The following SLC67A1 variants were observed in gnomAD, a reference collection of about 807,000 sequenced individuals.
SLC67A1 encodes the protein solute carrier family 67 member A1.
chr11:2,908,409 A>G, the SLC67A1 span: 6 of 1,098,476 alleles, frequency 5.5e-6, no homozygotes, highest in Non-Finnish European at 7.9e-6. Flanking sequence ...CAGACGGGCC[A>G]GGTTCCCTGA....
At chr11:2,918,122 CGGCCAG>C in the SLC67A1 span, 1 of 1,573,164 alleles carries the variant, frequency 6.4e-7, no homozygotes, top group Non-Finnish European at 8.7e-7. Flanking sequence ...GCCCCAACAG[CGGCCAG>C]AGCCTGGCAG....
the SLC67A1 span, chr11:2,916,402 A>C: frequency 2.1e-6 from 1 of 465,158 alleles, no homozygotes; most frequent in Non-Finnish European, 3.8e-6. Context: ...TGGCGTGGCG[A>C]GGGTCAGGGA....
chr11:2,917,764 G>T, the SLC67A1 span, among the ~76,000 whole-genome samples: 1 of 152,224 alleles, frequency 6.6e-6, no homozygotes, highest in Non-Finnish European at 1.5e-5. Flanking sequence ...GGATTCAGGG[G>T]GCCCCTAGGA....
the SLC67A1 span, chr11:2,918,993 A>C: frequency 2.9e-6 from 1 of 343,666 alleles, no homozygotes. Flanking sequence ...GAGGGCTCTT[A>C]TAACAGAGAG....
At chr11:2,914,303 G>A in the SLC67A1 span, among the ~76,000 whole-genome samples, 41 of 152,312 alleles carry the variant, frequency 2.7e-4, no homozygotes, top group Non-Finnish European at 4.9e-4. Flanking sequence ...CTGGCAGGTC[G>A]TGGTGAGGTT....
chr11:2,913,616 G>C, the SLC67A1 span, among the ~76,000 whole-genome samples: 1 of 152,200 alleles, frequency 6.6e-6, no homozygotes, highest in Admixed American at 6.5e-5. Flanking sequence ...CAGCATCCTG[G>C]AGCACGGATG....
the SLC67A1 span, among the ~76,000 whole-genome samples, chr11:2,910,670 G>A: frequency 3.3e-4 from 50 of 152,288 alleles, no homozygotes; most frequent in East Asian, 8.7e-3. Flanking sequence ...GGAGGACAGT[G>A]GCTGGACCAG....
the SLC67A1 span, chr11:2,918,115 C>A: frequency 3.5e-5 from 55 of 1,587,494 alleles, no homozygotes; most frequent in South Asian, 5.7e-4. Flanking sequence ...AACTACTGCC[C>A]CAACAGCGGC....
the SLC67A1 span, among the ~76,000 whole-genome samples, chr11:2,906,128 A>G: frequency 6.6e-6 from 1 of 152,254 alleles, no homozygotes; most frequent in East Asian, 1.9e-4. Flanking sequence ...AATGCTCATC[A>G]TCACTGGTCA....
the SLC67A1 span, among the ~76,000 whole-genome samples, chr11:2,901,120 G>A: frequency 2.4e-4 from 37 of 152,224 alleles, no homozygotes; most frequent in African/African-American, 8.7e-4. Context: ...AAATGGCACT[G>A]AGAGACAGGA....
At chr11:2,909,627 G>A in the SLC67A1 span, 5 of 1,533,108 alleles carry the variant, frequency 3.3e-6, no homozygotes, top group Non-Finnish European at 4.4e-6. Flanking sequence ...AGCGGCCCGC[G>A]GCCCTGGGCC....
At chr11:2,916,710 G>T in the SLC67A1 span, 2 of 1,613,100 alleles carry the variant, frequency 1.2e-6, no homozygotes, top group Non-Finnish European at 1.7e-6. Flanking sequence ...CACCAAAGGG[G>T]CCAAAACTGA....
chr11:2,909,158 C>A, the SLC67A1 span: 1 of 1,451,838 alleles, frequency 6.9e-7, no homozygotes, highest in Non-Finnish European at 9.0e-7. Flanking sequence ...GGACACTGAC[C>A]GCCTCCGTGA....
chr11:2,902,318 G>C, the SLC67A1 span: 1 of 152,214 alleles, frequency 6.6e-6, no homozygotes, highest in Non-Finnish European at 1.5e-5. Flanking sequence ...ACCCTGGAGC[G>C]CTCACCCCAC....
At chr11:2,912,132 C>G in the SLC67A1 span, among the ~76,000 whole-genome samples, 2,183 of 152,388 alleles carry the variant, frequency 0.014, 31 homozygotes, top group South Asian at 0.024. Context: ...TCATACCACA[C>G]CCAAGACACG....
At chr11:2,917,697 C>T in the SLC67A1 span, among the ~76,000 whole-genome samples, 1 of 152,236 alleles carries the variant, frequency 6.6e-6, no homozygotes, top group African/African-American at 2.4e-5. Flanking sequence ...CCACTGCATG[C>T]CCAGGTTGAG....
the SLC67A1 span, chr11:2,916,738 C>G: frequency 1.2e-6 from 2 of 1,612,076 alleles, no homozygotes; most frequent in East Asian, 2.2e-5. Flanking sequence ...GCTCCACTGC[C>G]AGGTAAGCCC....
At chr11:2,900,414 T>C in the SLC67A1 span, among the ~76,000 whole-genome samples, 3,219 of 151,936 alleles carry the variant, frequency 0.021, 100 homozygotes, top group African/African-American at 0.07. Context: ...GGAAACAGGC[T>C]GGGCGCGGTG....
At chr11:2,912,229 A>G in the SLC67A1 span, among the ~76,000 whole-genome samples, 1 of 151,994 alleles carries the variant, frequency 6.6e-6, no homozygotes, top group Non-Finnish European at 1.5e-5. Context: ...TGTGGCTGGT[A>G]ATCTGCCTTT....
Sources: allele counts gnomAD v4.1 joint callset (sites outside exome capture counted in the v4.1 genomes callset), GRCh38; gene constraint gnomAD v4.1.1; transcripts MANE v1.5; gene names NCBI Gene and HGNC (gene_info 2026-07-23, HGNC 2026-07-21).